PGBD5: variants seen among roughly 807,000 people sequenced by gnomAD.
The protein encoded by PGBD5 is piggyBac transposable element derived 5.
In PGBD5, 14 loss-of-function variants were observed where a neutral mutation model predicts 47.9. That is an observed-to-expected ratio of 0.29 (90% CI 0.19 to 0.46). The LOEUF (loss-of-function observed/expected upper bound fraction) is 0.46. Among genes scored for constraint, PGBD5 ranks in the 20% least tolerant of loss-of-function variants. The probability of loss-of-function intolerance (pLI) is 1.00; values close to 1 mark genes in which losing one functional copy is unlikely to be tolerated. For missense variants in PGBD5, 635 were observed against 716.0 expected (o/e 0.89, Z 1.29); for synonymous variants, 316 against 306.3 (o/e 1.03, Z -0.33).
In PGBD5 at chr1:230,321,694, A is replaced by C. The variant is rs1572191641; in HGVS notation, c.*1731T>G. The C allele has an allele frequency of 6.6e-6, 1 of 152,660 alleles. No individual in the cohort carries two copies. Among genetic ancestry groups the C allele is most frequent in the Non-Finnish European group, 1.5e-5 (1 of 68,048 alleles). The allele number at this position is 152,660 out of a possible 1,614,324, so 9.5% of individuals were successfully genotyped here. On this transcript the variant is annotated 3_prime_UTR_variant, in exon 7 of 7. Transcript: ENST00000391860. ...TTTTATTTTACTTGTTTGGACAGAA[A>C]AGAAAATTCATCAGCTTTCATTAGA...
At chr1:230,404,629 A>AATATAT (rs1231804089) in intron 1 of PGBD5, among the ~76,000 whole-genome samples, 31 of 108,460 alleles carry the variant, frequency 2.9e-4, no homozygotes, top group East Asian at 2.1e-3. Flanking sequence ...AAAAAAAAAA[A>AATATAT]ATATATATAT....
At position 230,357,473 on chromosome 1, in the gene PGBD5, T is replaced by A; in HGVS notation, c.332-152A>T. 1.2e-6 allele frequency: 1 copy of A among 820,666 alleles called. No homozygotes were observed. Among genetic ancestry groups the A allele is most frequent in the Non-Finnish European group, 1.9e-6 (1 of 533,746 alleles). 50.8% of individuals were successfully genotyped at this position (820,666 alleles called of 1,614,324 possible). ...CCTTCCCCTCCAACCTTCCAGAAGC[T>A]GCTGCAACCACCTGACAGTGCCGGC... On this transcript the variant is annotated intron_variant, in intron 1 of 6. Coordinates refer to ENST00000391860, the MANE Select transcript of PGBD5 (RefSeq NM_001258311.2). This position sits in a 1 kb window ranked among gnomAD's most constrained non-coding sequence, Gnocchi z 5.7.
At position 230,315,892 on chromosome 1, in the gene PGBD5, TTA is replaced by T. The variant is rs1403464550; in HGVS notation, c.*7531_*7532del. 2.7e-5 allele frequency: 4 copies of T among 147,864 alleles called. No individual in the cohort carries two copies. Among genetic ancestry groups the T allele is most frequent in the African/African-American group, 7.5e-5 (3 of 40,218 alleles). 9.2% of individuals were successfully genotyped at this position (147,864 alleles called of 1,614,324 possible). A position where few individuals can be genotyped will look rare whatever the true frequency, so the allele number is the denominator to read the frequency against. On this transcript the variant is annotated 3_prime_UTR_variant, in exon 7 of 7. Coordinates refer to ENST00000391860, the MANE Select transcript of PGBD5 (RefSeq NM_001258311.2). ...TATACATATATGGATACATACATAT[TTA>T]TGTGTACACATATATGTATATGTGT...
At chr1:230,371,133 C>G (rs1427990096) in intron 1 of PGBD5, among the ~76,000 whole-genome samples, 1 of 152,194 alleles carries the variant, frequency 6.6e-6, no homozygotes, top group Non-Finnish European at 1.5e-5. Context: ...AGAGAAGCAG[C>G]TCAGACAATT....
At chr1:230,368,013 C>T (rs1254238746) in intron 1 of PGBD5, 1 of 1,367,396 alleles carries the variant, frequency 7.3e-7, no homozygotes, top group Non-Finnish European at 9.8e-7. Flanking sequence ...TTCCCCACGC[C>T]ACACCACACC....
intron 1 of PGBD5, among the ~76,000 whole-genome samples, chr1:230,366,645 T>C (rs959075653): frequency 6.6e-6 from 1 of 152,208 alleles, no homozygotes; most frequent in African/African-American, 2.4e-5. Flanking sequence ...GTGTACCTCT[T>C]TCAGCCTTGG....
At chr1:230,381,256 C>T (rs1227460203) in intron 1 of PGBD5, among the ~76,000 whole-genome samples, 2 of 152,256 alleles carry the variant, frequency 1.3e-5, no homozygotes, top group Non-Finnish European at 2.9e-5. Context: ...GCATGTCCCG[C>T]TGCCAGGTTG....
chr1:230,349,567 CA>C (rs1667529911), intron 3 of PGBD5, among the ~76,000 whole-genome samples: 1 of 144,046 alleles, frequency 6.9e-6, no homozygotes, highest in African/African-American at 2.5e-5. Flanking sequence ...GCTACCTAGG[CA>C]GATCTCAAGG....
intron 1 of PGBD5, among the ~76,000 whole-genome samples, chr1:230,361,857 A>G (rs1667746803): frequency 6.6e-6 from 1 of 152,206 alleles, no homozygotes. Flanking sequence ...GCCTCAGGGT[A>G]GGCAGGATCC....
At chr1:230,377,957 T>C (rs899727096) in intron 1 of PGBD5, among the ~76,000 whole-genome samples, 1 of 152,234 alleles carries the variant, frequency 6.6e-6, no homozygotes, top group South Asian at 2.1e-4. Context: ...AGCAATGTGA[T>C]ATTTATACAG....
intron 1 of PGBD5, among the ~76,000 whole-genome samples, chr1:230,371,781 G>C (rs1295986793): frequency 6.6e-6 from 1 of 152,250 alleles, no homozygotes; most frequent in Non-Finnish European, 1.5e-5. Flanking sequence ...AACAGGCACA[G>C]AGCTTGCACA....
At chr1:230,396,000 T>TTCTTCCCTTTGCTTCCCTCTTTCCTCCA (rs1656945418) in intron 1 of PGBD5, among the ~76,000 whole-genome samples, 2 of 133,608 alleles carry the variant, frequency 1.5e-5, no homozygotes, top group African/African-American at 5.9e-5. Flanking sequence ...GCTTCCCTCT[T>TTCTTCCCTTTGCTTCCCTCTTTCCTCCA]TCTTCCCTTT....
rs1156620101 is a variant in PGBD5 at position 230,318,460 on chromosome 1, C to G, written c.*4965G>C. 6.6e-6 allele frequency: 1 copy of G among 152,350 alleles called. No homozygotes were observed. Among genetic ancestry groups the G allele is most frequent in the Non-Finnish European group, 1.5e-5 (1 of 68,156 alleles). 9.4% of individuals were successfully genotyped at this position (152,350 alleles called of 1,614,324 possible). ...GTAACAGGAGAGATTTCTTCACAGA[C>G]AGAACTGTTTTCCAAAGCAAGCTGC... On this transcript the variant is annotated 3_prime_UTR_variant, in exon 7 of 7. Transcript: ENST00000391860.
intron 1 of PGBD5, among the ~76,000 whole-genome samples, chr1:230,384,777 A>G (rs917313611): frequency 6.6e-6 from 1 of 152,054 alleles, no homozygotes; most frequent in African/African-American, 2.4e-5. Flanking sequence ...AATTCTCTGC[A>G]CTCAGGTGCT....
chr1:230,331,102 A>G (rs1667206668), intron 5 of PGBD5, among the ~76,000 whole-genome samples: 1 of 152,028 alleles, frequency 6.6e-6, no homozygotes, highest in African/African-American at 2.4e-5. Flanking sequence ...ATACCTTTTC[A>G]GAGGTCATCA....
chr1:230,362,752 C>T (rs1667767776), intron 1 of PGBD5, among the ~76,000 whole-genome samples: 1 of 152,104 alleles, frequency 6.6e-6, no homozygotes, highest in Non-Finnish European at 1.5e-5. Flanking sequence ...AACCTGTTGA[C>T]CGTTGGATGA....
chr1:230,397,392 C>T (rs1657012865), intron 1 of PGBD5, among the ~76,000 whole-genome samples: 1 of 152,204 alleles, frequency 6.6e-6, no homozygotes, highest in South Asian at 2.1e-4. Flanking sequence ...TTTTGAAGTT[C>T]TGAAGCATAG....
intron 1 of PGBD5, among the ~76,000 whole-genome samples, chr1:230,413,986 G>A (rs949407831): frequency 3.4e-4 from 52 of 152,260 alleles, no homozygotes; most frequent in African/African-American, 1.1e-3. Flanking sequence ...TTCTACTTCC[G>A]TTTCATGTTA....
chr1:230,353,256 C>T (rs1380884773), intron 2 of PGBD5, among the ~76,000 whole-genome samples: 3 of 152,150 alleles, frequency 2.0e-5, no homozygotes, highest in Non-Finnish European at 2.9e-5. Flanking sequence ...TGAGCCTCCT[C>T]CTGTGCTTGA....
Sources: allele counts gnomAD v4.1 joint callset (sites outside exome capture counted in the v4.1 genomes callset), GRCh38; gene constraint gnomAD v4.1.1; non-coding constraint Gnocchi (gnomAD v3.1); transcripts MANE v1.5; gene names NCBI Gene and HGNC (gene_info 2026-07-23, HGNC 2026-07-21).